NPIPA5: variants seen among roughly 807,000 people sequenced by gnomAD.
NPIPA5 encodes the protein nuclear pore complex interacting protein family member A5, also known as nuclear pore complex-interacting protein family member A5.
NPIPA5 carries 6 observed loss-of-function variants against 21.4 expected under a neutral mutation model. The ratio of observed to expected loss-of-function variants is 0.28; its 90% CI spans 0.15 to 0.55. The LOEUF is 0.55. Among genes scored for constraint, NPIPA5 ranks in the 20% least tolerant of loss-of-function variants. NPIPA5 has a pLI of 0.93. For synonymous variants in NPIPA5, 33 were observed against 115.3 expected (o/e 0.29, Z 4.57); for missense variants, 99 against 318.2 (o/e 0.31, Z 5.24).
intron 1 of NPIPA5, among the ~76,000 whole-genome samples, chr16:15,375,367 A>C (rs1289170486): frequency 1.3e-5 from 1 of 78,570 alleles, no homozygotes; most frequent in African/African-American, 3.5e-5. Flanking sequence ...TTTGTCATTT[A>C]AAGCTCAGCA....
At chr16:15,367,062 G>A (rs980534571) in intron 4 of NPIPA5, among the ~76,000 whole-genome samples, 35 of 152,162 alleles carry the variant, frequency 2.3e-4, no homozygotes, top group Admixed American at 7.2e-4. Flanking sequence ...CACTATGTGC[G>A]TCTCTGGGGT....
upstream of NPIPA5, chr16:15,381,140 G>A: frequency 6.6e-7 from 1 of 1,508,722 alleles, no homozygotes; most frequent in Non-Finnish European, 8.9e-7. Context: ...ACAAGGTGAT[G>A]TTTGAGTCTA....
intron 1 of NPIPA5, among the ~76,000 whole-genome samples, chr16:15,378,027 C>T (rs1177918070): frequency 2.8e-5 from 4 of 144,984 alleles, no homozygotes; most frequent in Non-Finnish European, 4.5e-5. Context: ...ATGACCCCTC[C>T]CCCATCTCAG....
intron 2 of NPIPA5, among the ~76,000 whole-genome samples, chr16:15,371,543 A>T (rs1339746673): frequency 1.4e-5 from 2 of 146,114 alleles, no homozygotes; most frequent in African/African-American, 4.9e-5. Context: ...GTGTCAGTCA[A>T]CCATGCTGAA....
chr16:15,369,330 C>A (rs541110276), intron 4 of NPIPA5, among the ~76,000 whole-genome samples: 2 of 149,546 alleles, frequency 1.3e-5, no homozygotes, highest in Admixed American at 6.7e-5. Flanking sequence ...GTGGTGGGCA[C>A]CTGTAATCCC....
upstream of NPIPA5, among the ~76,000 whole-genome samples, chr16:15,379,931 G>T (rs1486615087): frequency 6.6e-6 from 1 of 151,676 alleles, no homozygotes; most frequent in Non-Finnish European, 1.5e-5. Flanking sequence ...GGGACAGAGT[G>T]AAACTCTGTC....
chr16:15,368,515 T>C (rs1228200412), intron 4 of NPIPA5, among the ~76,000 whole-genome samples: 3 of 151,760 alleles, frequency 2.0e-5, no homozygotes, highest in Admixed American at 6.6e-5. Context: ...CAATGTAATA[T>C]GACCAAAACA....
intron 1 of NPIPA5, among the ~76,000 whole-genome samples, chr16:15,374,924 ATTATC>A (rs2050249479): frequency 7.1e-6 from 1 of 141,710 alleles, no homozygotes; most frequent in Admixed American, 7.3e-5. Flanking sequence ...GTATAAAGTA[ATTATC>A]TTATCTTTTA....
At chr16:15,371,538 A>ACT (rs2050155072) in intron 2 of NPIPA5, among the ~76,000 whole-genome samples, 1 of 146,758 alleles carries the variant, frequency 6.8e-6, no homozygotes, top group Non-Finnish European at 1.5e-5. Context: ...ACGGAGTGTC[A>ACT]GTCAACCATG....
intron 2 of NPIPA5, among the ~76,000 whole-genome samples, chr16:15,371,904 G>T (rs1053332893): frequency 1.4e-5 from 2 of 145,246 alleles, no homozygotes; most frequent in African/African-American, 2.5e-5. Flanking sequence ...GAGAAGCAAT[G>T]GGTAATCTAA....
At chr16:15,372,850 G>A (rs1357781018) in intron 2 of NPIPA5, among the ~76,000 whole-genome samples, 1 of 146,070 alleles carries the variant, frequency 6.8e-6, no homozygotes, top group East Asian at 2.0e-4. Context: ...GACAAATTAT[G>A]GCACAACTTA....
chr16:15,367,560 C>A (rs1184655388), intron 4 of NPIPA5, among the ~76,000 whole-genome samples: 1 of 151,866 alleles, frequency 6.6e-6, no homozygotes, highest in African/African-American at 2.4e-5. Flanking sequence ...GCCCTCACAC[C>A]ACTTGATTCA....
At chr16:15,369,454 A>G (rs1418408781) in intron 4 of NPIPA5, among the ~76,000 whole-genome samples, 1 of 151,810 alleles carries the variant, frequency 6.6e-6, no homozygotes. Flanking sequence ...TCTCAGGAAA[A>G]AAAAAAAAAG....
intron 2 of NPIPA5, among the ~76,000 whole-genome samples, chr16:15,371,015 C>T (rs1396630099): frequency 8.7e-6 from 1 of 115,422 alleles, no homozygotes; most frequent in Non-Finnish European, 1.9e-5. Context: ...CCACTGCACT[C>T]CAGCCTGGTG....
Position 15,369,869 on chromosome 16 carries a change from A to C in NPIPA5, c.293-13T>G. 1 of 772,448 alleles carries C rather than the reference A, an allele frequency of 1.3e-6. No individual in the cohort carries two copies. The allele number at this position is 772,448 out of a possible 1,614,324, so 47.8% of individuals were successfully genotyped here. A position where few individuals can be genotyped will look rare whatever the true frequency, so the allele number is the denominator to read the frequency against. ...ACAATTTTAATTCCTGGAAAGGAAG[A>C]AACTCTTTTCTTTGTGTGCATACAA... is the stretch of plus-strand genomic sequence containing the variant. On this transcript the variant is annotated splice_polypyrimidine_tract_variant and intron_variant, in intron 3 of 7. Coordinates refer to ENST00000360151, the MANE Select transcript of NPIPA5 (RefSeq NM_001277325.2).
intron 1 of NPIPA5, among the ~76,000 whole-genome samples, chr16:15,377,641 GGGGGAGGGGAAGGGGAA>G (rs1191345642): frequency 1.7e-5 from 2 of 118,048 alleles, no homozygotes; most frequent in African/African-American, 6.5e-5. Context: ...GGGGAGGGGA[GGGGGAGGGGAAGGGGAA>G]GGGGAGGGGA....
upstream of NPIPA5, among the ~76,000 whole-genome samples, chr16:15,379,683 C>G (rs1347603533): frequency 2.0e-5 from 3 of 152,082 alleles, no homozygotes; most frequent in Non-Finnish European, 4.4e-5. Flanking sequence ...CATGGTGGCT[C>G]ACGCCTGTAA....
intron 4 of NPIPA5, among the ~76,000 whole-genome samples, chr16:15,367,222 A>T (rs1283841560): frequency 1.3e-5 from 2 of 152,156 alleles, no homozygotes; most frequent in African/African-American, 4.8e-5. Flanking sequence ...TCAGAGGCTG[A>T]TGCCGGAACT....
chr16:15,375,937 G>C (rs1204242907), intron 1 of NPIPA5, among the ~76,000 whole-genome samples: 1 of 150,096 alleles, frequency 6.7e-6, no homozygotes, highest in Non-Finnish European at 1.5e-5. Context: ...ATATATTCTT[G>C]AAAACATCTC....
Sources: gnomAD v4.1 joint callset for allele counts (sites outside exome capture counted in the v4.1 genomes callset) on GRCh38, gnomAD v4.1.1 for gene constraint, MANE v1.5 for transcripts, NCBI Gene and HGNC (gene_info 2026-07-23, HGNC 2026-07-21) for gene names.